Variants in SVOPL observed in about 807,000 individuals in gnomAD.
The protein encoded by SVOPL is putative transporter SVOPL.
Under a neutral mutation model 61.0 loss-of-function variants are expected in SVOPL, and 60 were observed. The ratio of observed to expected loss-of-function variants is 0.98; its 90% confidence interval spans 0.80 to 1.22. The LOEUF is 1.22. Ranked by LOEUF, SVOPL falls within the 50% of genes most tolerant of loss-of-function variation. SVOPL has a pLI of 0.00. For missense variants in SVOPL, 662 were observed against 643.9 expected, an observed-to-expected ratio of 1.03 and a Z score of -0.30; for synonymous variants, 279 against 250.0, an observed-to-expected ratio of 1.12 and a Z score of -1.09.
At chr7:138,650,186 G>C (rs963261406) in intron 7 of SVOPL, among the ~76,000 whole-genome samples, 3 of 152,098 alleles carry the variant, frequency 2.0e-5, no homozygotes, top group Admixed American at 1.3e-4. Flanking sequence ...TTTTTTAACG[G>C]ATGGATTAAC....
intron 12 of SVOPL, among the ~76,000 whole-genome samples, chr7:138,626,386 T>G (rs1427405152): frequency 1.3e-5 from 2 of 152,090 alleles, no homozygotes; most frequent in Non-Finnish European, 2.9e-5. Context: ...AAGACTAGCC[T>G]CAGCAACATA....
At chr7:138,662,923 G>A (rs1490128245) in intron 5 of SVOPL, 151 bp downstream of exon 5, 19 of 1,472,634 alleles carry the variant, frequency 1.3e-5, no homozygotes, top group Middle Eastern at 3.7e-4. Flanking sequence ...CAGAAGATAA[G>A]CCTGGAATGT....
At chr7:138,682,744 G>A (rs1802725713) in intron 1 of SVOPL, among the ~76,000 whole-genome samples, 1 of 152,062 alleles carries the variant, frequency 6.6e-6, no homozygotes, top group South Asian at 2.1e-4. Context: ...CAAGGTGGGT[G>A]GATCACCTGA....
intron 9 of SVOPL, 54 bp downstream of exon 9, chr7:138,644,663 G>C (rs1443596771): frequency 1.3e-6 from 2 of 1,597,108 alleles, no homozygotes; most frequent in East Asian, 2.2e-5. Context: ...ACAACTGAGG[G>C]GATTTCCCAG....
At chr7:138,624,488 T>C (rs1229746054) in intron 13 of SVOPL, among the ~76,000 whole-genome samples, 1 of 152,160 alleles carries the variant, frequency 6.6e-6, no homozygotes, top group Non-Finnish European at 1.5e-5. Flanking sequence ...TCCTAAGCTA[T>C]CACAGCTCAA....
intron 14 of SVOPL, among the ~76,000 whole-genome samples, chr7:138,601,012 G>A (rs1225021480): frequency 1.3e-5 from 2 of 152,132 alleles, no homozygotes; most frequent in African/African-American, 4.8e-5. Context: ...AGCACTTTGG[G>A]AGGCTGAGGC....
intron 14 of SVOPL, among the ~76,000 whole-genome samples, chr7:138,618,150 A>G (rs139774742): frequency 2.0e-5 from 3 of 152,320 alleles, no homozygotes; most frequent in African/African-American, 7.2e-5. Flanking sequence ...ACAGAAATTG[A>G]TACAACAATA....
intron 13 of SVOPL, among the ~76,000 whole-genome samples, chr7:138,622,006 GTATC>G (rs1563095893): frequency 1.2e-3 from 11 of 8,852 alleles, no homozygotes; most frequent in East Asian, 3.0e-3. Flanking sequence ...ATCTATCTAT[GTATC>G]TATCTATGTA....
rs749603417 is a variant in SVOPL, at chr7:138,642,831, C to CAAAAAA, written c.789+1880_789+1885dup. 2.2e-4 allele frequency among the ~76,000 whole-genome samples: 6 copies of CAAAAAA among 26,910 alleles called. No individual in the cohort carries two copies. In the South Asian group the frequency reaches 5.9e-3, roughly 27 times the overall value. 17.7% of individuals were successfully genotyped at this position (26,910 alleles called of 152,430 possible). On this transcript the variant is annotated intron_variant, in intron 9 of 15. Transcript: ENST00000674285. ...GACGATAGAGCGAGACTCCTACCTC[C>CAAAAAA]AAAAAAAAAAAAAAAAAAAGAAGAA...
chr7:138,662,672 T>C (rs1802050515), intron 5 of SVOPL: 1 of 1,015,414 alleles, frequency 9.8e-7, no homozygotes, highest in Non-Finnish European at 1.2e-6. Context: ...CCCACTGATA[T>C]CAGACCTCTG....
At chr7:138,676,869 G>A (rs1299356235) in intron 3 of SVOPL, among the ~76,000 whole-genome samples, 1 of 145,450 alleles carries the variant, frequency 6.9e-6, no homozygotes, top group Non-Finnish European at 1.5e-5. Context: ...GAATGAAAGT[G>A]ATTTTTGGAT....
At chr7:138,634,665 TAAAAAC>T (rs1800381729) in intron 9 of SVOPL, among the ~76,000 whole-genome samples, 2 of 147,246 alleles carry the variant, frequency 1.4e-5, no homozygotes, top group South Asian at 4.3e-4. Context: ...ATCAAGTAAA[TAAAAAC>T]AAAAAAATTA....
chr7:138,663,457 A>T (rs1802097418), intron 4 of SVOPL: 2 of 1,199,242 alleles, frequency 1.7e-6, no homozygotes, highest in Middle Eastern at 3.5e-4. Context: ...TTCCACTGTA[A>T]TTTTTAAAAT....
intron 4 of SVOPL, chr7:138,663,599 A>G (rs1802106407): frequency 2.0e-6 from 2 of 989,462 alleles, no homozygotes; most frequent in Admixed American, 1.2e-4. Flanking sequence ...TCTTCAGAAC[A>G]TTCATAAGTC....
At chr7:138,695,833 G>A (rs1803052987) in intron 1 of SVOPL, among the ~76,000 whole-genome samples, 1 of 152,102 alleles carries the variant, frequency 6.6e-6, no homozygotes, top group African/African-American at 2.4e-5. Flanking sequence ...ACCCAGGCTG[G>A]AGTACAGTGG....
intron 1 of SVOPL, among the ~76,000 whole-genome samples, chr7:138,681,083 AAGAT>A (rs753454287): frequency 1.3e-5 from 2 of 151,554 alleles, no homozygotes; most frequent in Non-Finnish European, 2.9e-5. Context: ...TAAGAGGAAA[AAGAT>A]AAATATAAAA....
rs560833496 is a variant in SVOPL at position 138,644,943 on chromosome 7, G to A, written c.661-98C>T. 4.9e-5 allele frequency: 72 copies of A among 1,470,866 alleles called. No individual in the cohort carries two copies. The South Asian group carries it at 6.4e-4, about 13-fold the overall frequency. 91.1% of individuals were successfully genotyped at this position (1,470,866 alleles called of 1,614,324 possible). A position where few individuals can be genotyped will look rare whatever the true frequency, so the allele number is the denominator to read the frequency against. On this transcript the variant is annotated intron_variant, in intron 8 of 15. Coordinates refer to ENST00000674285, the MANE Select transcript of SVOPL (RefSeq NM_001139456.2). Reference sequence around the variant, plus strand: ...ATACACTACAGTCCTAGTTTCCCAAGATAGGAAAAGTATGTAACCAGCTTA... The same window carrying A: ...ATACACTACAGTCCTAGTTTCCCAAAATAGGAAAAGTATGTAACCAGCTTA...
intron 7 of SVOPL, among the ~76,000 whole-genome samples, chr7:138,650,374 T>C (rs759944215): frequency 2.6e-5 from 4 of 152,004 alleles, no homozygotes; most frequent in East Asian, 3.9e-4. Context: ...TTAACTGAAA[T>C]TGGAAACAGA....
intron 1 of SVOPL, among the ~76,000 whole-genome samples, chr7:138,697,678 A>AAAGAAGAGG (rs1803097536): frequency 6.8e-6 from 1 of 147,296 alleles, no homozygotes; most frequent in Middle Eastern, 3.5e-3. Flanking sequence ...AGAAGGAGGA[A>AAAGAAGAGG]AAGAAGAGGA....
Sources: allele counts gnomAD v4.1 joint callset (sites outside exome capture counted in the v4.1 genomes callset), GRCh38; gene constraint gnomAD v4.1.1; transcripts MANE v1.5; gene names NCBI Gene and HGNC (gene_info 2026-07-23, HGNC 2026-07-21).